Variants in MYH11 observed in about 807,000 individuals in gnomAD.
The protein encoded by MYH11 is myosin heavy chain 11.
A neutral mutation model predicts 246.6 loss-of-function variants in MYH11; 80 were observed. The observed-to-expected ratio is 0.32, with a 90% CI of 0.27 to 0.39. The LOEUF is 0.39. Ranked by LOEUF, MYH11 falls within the 10% of genes least tolerant of loss-of-function variation. The probability of loss-of-function intolerance (pLI) is 1.00; values close to 1 mark genes in which losing one functional copy is unlikely to be tolerated. For missense variants in MYH11, 2,158 were observed against 2,546.8 expected, an observed-to-expected ratio of 0.85 and a Z score of 3.29; for synonymous variants, 1,071 against 1,015.5, an observed-to-expected ratio of 1.05 and a Z score of -1.04.
Position 15,719,614 on chromosome 16 carries a change from A to G in MYH11, c.5053T>C (p.Leu1685=), listed in dbSNP as rs1057522597. 4 of 1,614,032 alleles carry G rather than the reference A, an allele frequency of 2.5e-6. No individual in the cohort carries two copies. Among genetic ancestry groups the G allele is most frequent in the East Asian group, 2.2e-5 (1 of 44,890 alleles). Residue 1685 remains leucine (L), a synonymous_variant, in exon 35 of 41, where the codon TTG becomes CTG. Transcript: ENST00000300036. ...TGTAGCTGCATGAGGTCTGCTTCCA[A>G]GCTCTTGGCTTTCTTCTCATTCTCT... is the stretch of plus-strand genomic sequence containing the variant. ...AKENEKKAKS[L]EADLMQLQED...
rs776485778 is a variant in MYH11 at position 15,724,186 on chromosome 16, T to G, written c.4340A>C (p.Glu1447Ala). Residue 1447 changes from glutamate to alanine, a missense_variant, in exon 31 of 41, where the codon GAA becomes GCA. Physicochemically the swap from Glu to Ala is moderately radical, Grantham distance 107. This residue lies in a region of MYH11 where 1,013 missense variants were observed against 993.5 expected (regional missense o/e 1.02). Coordinates refer to ENST00000300036, the MANE Select transcript of MYH11 (RefSeq NM_002474.3). ...CTGATCAAATTTCCTCTGCTTCTTT[T>G]CCAGGTTGGACACGAGTTGCCGCTG... The part of the protein sequence containing the change: ...DNQRQLVSNL[E>A]KKQRKFDQLL... The G allele has an allele frequency of 6.2e-7, 1 of 1,613,950 alleles. No homozygotes were observed. The highest frequency in any genetic ancestry group is 8.5e-7 in the Non-Finnish European group (1 of 1,180,048).
intron 40 of MYH11, among the ~76,000 whole-genome samples, chr16:15,712,565 C>T (rs2039864234): frequency 6.6e-6 from 1 of 152,142 alleles, no homozygotes; most frequent in Admixed American, 6.6e-5. Context: ...TACTGCACTC[C>T]AGCCTGGGCA....
intron 32 of MYH11, 157 bp from the exon 33 acceptor site, chr16:15,721,208 C>A (rs2040458288): frequency 1.0e-6 from 1 of 973,602 alleles, no homozygotes; most frequent in East Asian, 2.6e-5. Context: ...AGAGTTCAGA[C>A]CCCAGCCTTA....
chr16:15,745,299 C>G, intron 19 of MYH11, 62 bp from the exon 20 acceptor site: 1 of 1,228,142 alleles, frequency 8.1e-7, no homozygotes, highest in Non-Finnish European at 1.2e-6. Flanking sequence ...TCAACAGAGC[C>G]CTGCCCTGCA....
At chr16:15,778,254 A>G (rs1222131845) in intron 7 of MYH11, among the ~76,000 whole-genome samples, 1 of 152,158 alleles carries the variant, frequency 6.6e-6, no homozygotes, top group Non-Finnish European at 1.5e-5. Context: ...GTTTTCATCA[A>G]TTTCCTACCT....
chr16:15,841,561 A>G (rs909562109), intron 1 of MYH11, among the ~76,000 whole-genome samples: 2 of 152,204 alleles, frequency 1.3e-5, no homozygotes, highest in Non-Finnish European at 2.9e-5. Flanking sequence ...GTCTCTCTTG[A>G]TGGAAGATTA....
In MYH11 at chr16:15,745,202, A is replaced by T; in HGVS notation, c.2447T>A (p.Met816Lys). ...FAKRQQQLTA[M>K]KVIQRNCAAY... ...GGCGCAGTTCCTCTGAATCACCTTC[A>T]TGGCGGTCAGCTGCTGCTGCCTCTT... is the stretch of plus-strand genomic sequence containing the variant. Residue 816 changes from methionine to lysine, a missense_variant, in exon 20 of 41, where the codon ATG becomes AAG. Met to Lys is a moderately conservative substitution (Grantham distance 95, BLOSUM62 -1). Transcript: ENST00000300036. 6.2e-7 allele frequency: 1 copy of T among 1,613,296 alleles called. No homozygotes were observed. The highest frequency in any genetic ancestry group is 8.5e-7 in the Non-Finnish European group (1 of 1,179,632).
At chr16:15,772,726 G>A (rs781239768) in intron 8 of MYH11, among the ~76,000 whole-genome samples, 3 of 152,198 alleles carry the variant, frequency 2.0e-5, no homozygotes, top group Non-Finnish European at 4.4e-5. Flanking sequence ...ACAGCAGGAG[G>A]TGAGCAGCAG....
chr16:15,714,892 G>A lies in MYH11; in HGVS notation c.5786+17C>T, dbSNP rs1297895766. Reference sequence around the variant, plus strand: ...TGGCCTGAGAGACGGGGTCCTCCCGGGCCACGGGCTCCTCACCTGAGCTTG... The same window carrying A: ...TGGCCTGAGAGACGGGGTCCTCCCGAGCCACGGGCTCCTCACCTGAGCTTG... On this transcript the variant is annotated intron_variant, in intron 40 of 40. Coordinates refer to ENST00000300036, the MANE Select transcript of MYH11 (RefSeq NM_002474.3). The A allele has an allele frequency of 1.2e-6, 2 of 1,612,776 alleles. No homozygotes were observed. Among genetic ancestry groups the A allele is most frequent in the Admixed American group, 3.3e-5 (2 of 60,016 alleles).
rs1242721939 is a variant in MYH11 at position 15,704,093 on chromosome 16, A to G, written c.5817T>C (p.Ser1939=). Reference sequence around the variant, plus strand: ...TAACTCTACGTCCTCCAGACCTTCTAGAAGGAACGAAAGAGGTCTCGTTTC... The same window carrying G: ...TAACTCTACGTCCTCCAGACCTTCTGGAAGGAACGAAAGAGGTCTCGTTTC... ...RRGNETSFVP[S]RRSGGRRVIE... The change falls in exon 41 of 41, where the codon TCT becomes TCC. Residue 1939 remains serine (S), a synonymous_variant. Coordinates refer to ENST00000300036, the MANE Select transcript of MYH11 (RefSeq NM_002474.3). 2 of 1,614,132 alleles carry G rather than the reference A, an allele frequency of 1.2e-6. No individual in the cohort carries two copies. The highest frequency in any genetic ancestry group is 1.7e-6 in the Non-Finnish European group (2 of 1,180,026).
At chr16:15,808,835 G>A (rs2043073460) in intron 3 of MYH11, among the ~76,000 whole-genome samples, 1 of 152,158 alleles carries the variant, frequency 6.6e-6, no homozygotes, top group African/African-American at 2.4e-5. Flanking sequence ...CGAGGTTACA[G>A]GGAGCTATTA....
At chr16:15,704,569 A>G (rs1293115631) in intron 40 of MYH11, among the ~76,000 whole-genome samples, 1 of 152,196 alleles carries the variant, frequency 6.6e-6, no homozygotes, top group African/African-American at 2.4e-5. Context: ...TTTCTTCTGT[A>G]TCTCCTCACC....
chr16:15,847,975 C>T (rs148702577), intron 1 of MYH11, among the ~76,000 whole-genome samples: 105 of 152,228 alleles, frequency 6.9e-4, no homozygotes, highest in Non-Finnish European at 1.2e-3. Context: ...TCAAATCCAT[C>T]TGGAAGGTGC....
chr16:15,814,890 G>C (rs908770733), intron 3 of MYH11, among the ~76,000 whole-genome samples: 2 of 151,654 alleles, frequency 1.3e-5, no homozygotes, highest in Non-Finnish European at 2.9e-5. Context: ...GGGACACCAG[G>C]AACCATACTG....
At chr16:15,822,512 A>AAAAAC (rs1217559732) in intron 3 of MYH11, among the ~76,000 whole-genome samples, 2 of 152,104 alleles carry the variant, frequency 1.3e-5, no homozygotes, top group Non-Finnish European at 2.9e-5. Flanking sequence ...TGTCACTTCC[A>AAAAAC]AAAACAAAAC....
chr16:15,838,626 G>A (rs1198727068), intron 1 of MYH11, among the ~76,000 whole-genome samples: 3 of 152,106 alleles, frequency 2.0e-5, no homozygotes, highest in Non-Finnish European at 4.4e-5. Context: ...GTGGGAGGCC[G>A]AGGTGGGCAA....
chr16:15,724,027 GAC>G, intron 31 of MYH11, 132 bp downstream of exon 31: 2 of 1,477,694 alleles, frequency 1.4e-6, no homozygotes, highest in Non-Finnish European at 1.9e-6. Flanking sequence ...GACAAGATAA[GAC>G]AGCCTCCCAT....
At chr16:15,710,840 G>C (rs1316197057) in intron 40 of MYH11, among the ~76,000 whole-genome samples, 1 of 152,110 alleles carries the variant, frequency 6.6e-6, no homozygotes, top group East Asian at 1.9e-4. Context: ...ACCACGCCTA[G>C]CTGATTTTTG....
chr16:15,807,651 T>C (rs1156493619), intron 3 of MYH11, among the ~76,000 whole-genome samples: 4 of 152,020 alleles, frequency 2.6e-5, no homozygotes, highest in Non-Finnish European at 5.9e-5. Flanking sequence ...CCGGCCATCA[T>C]CAGGACCCGC....
Sources: allele counts gnomAD v4.1 joint callset (sites outside exome capture counted in the v4.1 genomes callset), GRCh38; gene constraint gnomAD v4.1.1; regional missense constraint gnomAD v4.1.1; transcripts MANE v1.5; gene names NCBI Gene and HGNC (gene_info 2026-07-23, HGNC 2026-07-21).